SCFD1: variants seen among roughly 807,000 people sequenced by gnomAD.
The protein encoded by SCFD1 is sec1 family domain containing 1.
Under a neutral mutation model 103.2 loss-of-function variants are expected in SCFD1, and 37 were observed. That is an observed-to-expected ratio of 0.36 (90% CI 0.28 to 0.47). The LOEUF (loss-of-function observed/expected upper bound fraction) is 0.47, where lower values mean the gene tolerates loss of function less well. Ranked by LOEUF, SCFD1 falls within the 20% of genes least tolerant of loss-of-function variation. SCFD1 has a pLI of 1.00. For synonymous variants in SCFD1, 264 were observed against 245.0 expected, an observed-to-expected ratio of 1.08 and a Z score of -0.73; for missense variants, 639 against 761.2, an observed-to-expected ratio of 0.84 and a Z score of 1.89.
At chr14:30,684,669 C>G (rs1234460900) in intron 14 of SCFD1, among the ~76,000 whole-genome samples, 1 of 147,076 alleles carries the variant, frequency 6.8e-6, no homozygotes, top group East Asian at 2.0e-4. Context: ...TATATATAAT[C>G]TATATTCCAC....
chr14:30,627,506 G>A (rs1883598230), intron 1 of SCFD1, among the ~76,000 whole-genome samples: 1 of 152,096 alleles, frequency 6.6e-6, no homozygotes, highest in Non-Finnish European at 1.5e-5. Flanking sequence ...CAGCACTTTG[G>A]GAGGCCAAGG....
chr14:30,661,115 A>T (rs1043421196), intron 10 of SCFD1, among the ~76,000 whole-genome samples: 58 of 152,138 alleles, frequency 3.8e-4, no homozygotes, highest in African/African-American at 1.4e-3. Flanking sequence ...AGATTAAAGA[A>T]CCCATTTTTT....
rs562856733 is a variant in SCFD1, at chr14:30,723,833, A to G, written c.1836+1274A>G. 1.2e-4 allele frequency among the ~76,000 whole-genome samples: 18 copies of G among 152,314 alleles called. No homozygotes were observed. The South Asian group carries it at 3.7e-3, about 32-fold the overall frequency. ...TTTAGGTTGATTCCATGTCTTTGCT[A>G]TCGTGAACAGTGCTGCAAGTGAACA... On this transcript the variant is annotated intron_variant, in intron 23 of 24. Transcript: ENST00000458591.
intron 10 of SCFD1, chr14:30,669,879 C>T (rs924434375): frequency 5.9e-6 from 1 of 169,284 alleles, no homozygotes; most frequent in African/African-American, 2.4e-5. Flanking sequence ...AGTAAATGTA[C>T]ATATACAGAT....
At chr14:30,704,948 T>G (rs72666433) in intron 17 of SCFD1, among the ~76,000 whole-genome samples, 9,020 of 152,272 alleles carry the variant, frequency 0.059, 362 homozygotes, top group Non-Finnish European at 0.09. Context: ...CTCAAAGTGG[T>G]AGGATTCTTC....
At chr14:30,662,656 A>G (rs1257637369) in intron 10 of SCFD1, among the ~76,000 whole-genome samples, 1 of 152,208 alleles carries the variant, frequency 6.6e-6, no homozygotes, top group African/African-American at 2.4e-5. Flanking sequence ...GAGTTGAGAT[A>G]GTAAATTCTT....
chr14:30,704,971 A>G (rs938797597), intron 17 of SCFD1, among the ~76,000 whole-genome samples: 1 of 152,166 alleles, frequency 6.6e-6, no homozygotes, highest in Non-Finnish European at 1.5e-5. Flanking sequence ...GGAGCATTTT[A>G]TATTTTCTGG....
chr14:30,666,057 A>C (rs1177133425), intron 10 of SCFD1, among the ~76,000 whole-genome samples: 1 of 152,182 alleles, frequency 6.6e-6, no homozygotes. Context: ...GCTCTGCACT[A>C]ATAGACATCT....
chr14:30,644,693 A>G (rs1885633608), intron 7 of SCFD1, among the ~76,000 whole-genome samples: 1 of 151,942 alleles, frequency 6.6e-6, no homozygotes, highest in Non-Finnish European at 1.5e-5. Context: ...CCCATTTTTA[A>G]TGGGGTTGTT....
At chr14:30,642,526 T>G (rs1030387102) in intron 6 of SCFD1, among the ~76,000 whole-genome samples, 1 of 152,180 alleles carries the variant, frequency 6.6e-6, no homozygotes, top group African/African-American at 2.4e-5. Context: ...CTCAGTAAAG[T>G]TTGGGAACTA....
At chr14:30,669,393 T>C (rs1032974269) in intron 10 of SCFD1, among the ~76,000 whole-genome samples, 16 of 152,118 alleles carry the variant, frequency 1.1e-4, no homozygotes, top group African/African-American at 3.9e-4. Flanking sequence ...TTCACTATTC[T>C]TTAGTTGGCA....
Position 30,681,856 on chromosome 14 carries a change from G to A in SCFD1, c.1242+6791G>A, listed in dbSNP as rs761547847. ...CTTATAGATTTCATGTGACTGTTTC[G>A]TATAGCAACTTTCATGAAACCCAGG... On this transcript the variant is annotated intron_variant, in intron 14 of 24. Transcript: ENST00000458591. 1.2e-3 allele frequency among the ~76,000 whole-genome samples: 183 copies of A among 152,168 alleles called. 1 individual carries two copies. The highest frequency in any genetic ancestry group is 2.3e-3 in the Non-Finnish European group (153 of 67,966).
intron 8 of SCFD1, among the ~76,000 whole-genome samples, chr14:30,650,163 T>G (rs1886261670): frequency 1.3e-5 from 2 of 152,198 alleles, no homozygotes. Flanking sequence ...CCATTTCTCT[T>G]CTGAGGCTTC....
At chr14:30,629,387 T>C (rs762186066) in intron 2 of SCFD1, among the ~76,000 whole-genome samples, 1 of 152,132 alleles carries the variant, frequency 6.6e-6, no homozygotes, top group Non-Finnish European at 1.5e-5. Flanking sequence ...TAAATAATTA[T>C]TGAGGTAGTT....
At chr14:30,708,110 A>G (rs981158978) in intron 19 of SCFD1, 45 bp downstream of exon 19, 1 of 1,249,088 alleles carries the variant, frequency 8.0e-7, no homozygotes, top group African/African-American at 1.5e-5. Flanking sequence ...TTTAAACATA[A>G]ATGTTGACAG....
At chr14:30,632,352 A>C (rs1227534265) in intron 3 of SCFD1, among the ~76,000 whole-genome samples, 3 of 152,156 alleles carry the variant, frequency 2.0e-5, no homozygotes, top group African/African-American at 7.2e-5. Flanking sequence ...TCAATTCCAA[A>C]TGTCCTTTTT....
At chr14:30,648,101 G>A (rs1378540403) in intron 7 of SCFD1, among the ~76,000 whole-genome samples, 2 of 152,144 alleles carry the variant, frequency 1.3e-5, no homozygotes, top group Non-Finnish European at 2.9e-5. Flanking sequence ...CACAGACTTA[G>A]TAGATTATAT....
intron 20 of SCFD1, among the ~76,000 whole-genome samples, chr14:30,719,029 A>G (rs886132148): frequency 6.6e-6 from 1 of 152,202 alleles, no homozygotes; most frequent in African/African-American, 2.4e-5. Flanking sequence ...TGTAGTTCCC[A>G]TACTTACTAA....
intron 20 of SCFD1, among the ~76,000 whole-genome samples, chr14:30,717,893 A>AAG (rs113633084): frequency 0.023 from 2,886 of 127,930 alleles, 47 homozygotes; most frequent in Middle Eastern, 0.038. Flanking sequence ...CAAAAAAAAG[A>AAG]AAAAAAAAAA....
Sources: gnomAD v4.1 joint callset for allele counts (sites outside exome capture counted in the v4.1 genomes callset) on GRCh38, gnomAD v4.1.1 for gene constraint, MANE v1.5 for transcripts, NCBI Gene and HGNC (gene_info 2026-07-23, HGNC 2026-07-21) for gene names.